Variants in MCHR2 observed in about 807,000 individuals in gnomAD.
MCHR2 encodes melanin concentrating hormone receptor 2.
Under a neutral mutation model 24.8 loss-of-function variants are expected in MCHR2, and 15 were observed. That is an observed-to-expected ratio of 0.60 (90% CI 0.40 to 0.93). The LOEUF (loss-of-function observed/expected upper bound fraction) is 0.93. Among genes scored for constraint, MCHR2 ranks in the 40% least tolerant of loss-of-function variants. The pLI is 0.00. For missense variants in MCHR2, 386 were observed against 408.7 expected (o/e 0.94, Z 0.48); for synonymous variants, 151 against 147.6 (o/e 1.02, Z -0.17).
intron 1 of MCHR2, among the ~76,000 whole-genome samples, chr6:99,977,417 G>A (rs1295760966): frequency 1.3e-5 from 2 of 152,122 alleles, no homozygotes; most frequent in African/African-American, 4.8e-5. Flanking sequence ...TGCTTAGGAA[G>A]AACAGAAGAA....
intron 5 of MCHR2, among the ~76,000 whole-genome samples, chr6:99,922,155 G>A (rs1363548825): frequency 6.9e-6 from 1 of 145,438 alleles, no homozygotes; most frequent in African/African-American, 2.5e-5. Context: ...CGCCCAGACT[G>A]GAGTGCAGTG....
intron 1 of MCHR2, among the ~76,000 whole-genome samples, chr6:99,956,531 G>A (rs990813883): frequency 1.3e-5 from 2 of 152,174 alleles, no homozygotes; most frequent in South Asian, 4.2e-4. Context: ...GTTCATATTG[G>A]CTAGTATTCT....
At chr6:99,970,590 C>T (rs1425616739) in intron 1 of MCHR2, among the ~76,000 whole-genome samples, 1 of 152,076 alleles carries the variant, frequency 6.6e-6, no homozygotes, top group Non-Finnish European at 1.5e-5. Context: ...TCAATTTTGG[C>T]TTTTGTTGCC....
At chr6:99,971,544 C>G (rs1775420085) in intron 1 of MCHR2, among the ~76,000 whole-genome samples, 1 of 152,082 alleles carries the variant, frequency 6.6e-6, no homozygotes, top group African/African-American at 2.4e-5. Flanking sequence ...TAATTGAATA[C>G]CCTTTATTTC....
chr6:99,973,184 T>C (rs369440605), intron 1 of MCHR2, among the ~76,000 whole-genome samples: 1 of 151,678 alleles, frequency 6.6e-6, no homozygotes, highest in Non-Finnish European at 1.5e-5. Context: ...CCCATTATTA[T>C]TGTGTGGGAG....
At chr6:99,983,348 T>C (rs762045238) in intron 1 of MCHR2, among the ~76,000 whole-genome samples, 3 of 152,160 alleles carry the variant, frequency 2.0e-5, no homozygotes, top group Non-Finnish European at 2.9e-5. Context: ...TGTTTGTCTA[T>C]AGAGGATGTC....
chr6:99,928,317 G>T (rs935031188), intron 5 of MCHR2, among the ~76,000 whole-genome samples: 3 of 152,088 alleles, frequency 2.0e-5, no homozygotes, highest in African/African-American at 7.2e-5. Flanking sequence ...TTGTGTTTCT[G>T]CCCGGCTTTG....
intron 1 of MCHR2, among the ~76,000 whole-genome samples, chr6:99,961,097 T>C (rs1466985171): frequency 6.6e-6 from 1 of 151,956 alleles, no homozygotes; most frequent in Non-Finnish European, 1.5e-5. Context: ...AAAAGGCTAA[T>C]ATCCAGAATC....
chr6:99,927,750 G>A (rs1279269809), intron 5 of MCHR2, among the ~76,000 whole-genome samples: 1 of 152,044 alleles, frequency 6.6e-6, no homozygotes, highest in East Asian at 1.9e-4. Context: ...AGACAATGGG[G>A]TTTTCTAGAT....
chr6:99,962,236 T>C (rs1341296001), intron 1 of MCHR2, among the ~76,000 whole-genome samples: 1 of 152,168 alleles, frequency 6.6e-6, no homozygotes, highest in Non-Finnish European at 1.5e-5. Flanking sequence ...AGGTAGCATA[T>C]GCAGCGAGGA....
At chr6:99,950,145 A>G (rs1582387136) in intron 2 of MCHR2, among the ~76,000 whole-genome samples, 1 of 152,148 alleles carries the variant, frequency 6.6e-6, no homozygotes, top group South Asian at 2.1e-4. Context: ...ATTAAATAAA[A>G]GTGTGTCTAG....
intron 5 of MCHR2, 48 bp from the exon 6 acceptor site, chr6:99,921,303 T>G: frequency 6.5e-7 from 1 of 1,546,468 alleles, no homozygotes; most frequent in Non-Finnish European, 8.8e-7. Flanking sequence ...ACCATAGAAA[T>G]TATGGGGCAA....
At chr6:99,980,107 C>A (rs1030293963) in intron 1 of MCHR2, among the ~76,000 whole-genome samples, 5 of 109,376 alleles carry the variant, frequency 4.6e-5, no homozygotes, top group African/African-American at 1.7e-4. Flanking sequence ...GATGATTGTT[C>A]TGTTTTATAG....
intron 1 of MCHR2, among the ~76,000 whole-genome samples, chr6:99,985,297 T>A (rs949385088): frequency 6.6e-6 from 1 of 152,138 alleles, no homozygotes; most frequent in African/African-American, 2.4e-5. Flanking sequence ...AAATTACCAG[T>A]ATAATTCTTC....
intron 1 of MCHR2, among the ~76,000 whole-genome samples, chr6:99,974,841 G>A (rs916875711): frequency 2.0e-5 from 3 of 152,150 alleles, no homozygotes; most frequent in Non-Finnish European, 2.9e-5. Context: ...TGTTTGCCTG[G>A]GTATCAGCAG....
At chr6:99,969,877 C>G (rs1281345090) in intron 1 of MCHR2, among the ~76,000 whole-genome samples, 1 of 151,622 alleles carries the variant, frequency 6.6e-6, no homozygotes, top group Non-Finnish European at 1.5e-5. Context: ...CATGTCCCTA[C>G]AAAGGACATG....
intron 3 of MCHR2, among the ~76,000 whole-genome samples, chr6:99,945,465 C>T (rs1385120682): frequency 6.6e-6 from 1 of 152,094 alleles, no homozygotes; most frequent in Non-Finnish European, 1.5e-5. Context: ...AAGCCCACTA[C>T]TAAATATTCT....
At chr6:99,934,673 C>T (rs1054792739) in intron 4 of MCHR2, among the ~76,000 whole-genome samples, 156 bp from the exon 5 acceptor site, 1 of 151,966 alleles carries the variant, frequency 6.6e-6, no homozygotes, top group African/African-American at 2.4e-5. Flanking sequence ...TCTTTGGTTG[C>T]TTTATTGTAG....
chr6:99,919,846 G>A lies in MCHR2; in HGVS notation c.*1094C>T, dbSNP rs1244849505. On this transcript the variant is annotated 3_prime_UTR_variant, in exon 6 of 6. Coordinates refer to ENST00000281806, the MANE Select transcript of MCHR2 (RefSeq NM_001040179.2). The stretch of plus-strand genomic sequence containing the variant: ...GGGTTCAAGCAATTCTCCTGCCTCA[G>A]CCTCCTGAGTAGCTGGGACTACAGG... The A allele has an allele frequency of 6.6e-6, 1 of 151,540 alleles. No individual in the cohort carries two copies. The highest frequency in any genetic ancestry group is 2.4e-5 in the African/African-American group (1 of 41,228). 9.4% of individuals were successfully genotyped at this position (151,540 alleles called of 1,614,324 possible). A position where few individuals can be genotyped will look rare whatever the true frequency, so the allele number is the denominator to read the frequency against.
Sources: gnomAD v4.1 joint callset for allele counts (sites outside exome capture counted in the v4.1 genomes callset) on GRCh38, gnomAD v4.1.1 for gene constraint, MANE v1.5 for transcripts, NCBI Gene and HGNC (gene_info 2026-07-23, HGNC 2026-07-21) for gene names.